Variants in EPHA3 observed in about 807,000 individuals in gnomAD.
The protein encoded by EPHA3 is ephrin type-A receptor 3.
Under a neutral mutation model 107.1 loss-of-function variants are expected in EPHA3, and 42 were observed. That is an observed-to-expected ratio of 0.39 (90% CI 0.31 to 0.51). The LOEUF is 0.51. Ranked by LOEUF, EPHA3 falls within the 20% of genes least tolerant of loss-of-function variation. The pLI is 0.78. For synonymous variants in EPHA3, 461 were observed against 424.8 expected (o/e 1.09, Z -1.05); for missense variants, 1,183 against 1,211.2 (o/e 0.98, Z 0.35).
At chr3:89,205,379 C>T (rs2107171050) in intron 2 of EPHA3, among the ~76,000 whole-genome samples, 1 of 152,208 alleles carries the variant, frequency 6.6e-6, no homozygotes, top group Admixed American at 6.5e-5. Context: ...GATTCAGTGA[C>T]AAGGAACTGT....
rs533667728 is a variant in EPHA3, at chr3:89,273,910, G to A, written c.814+63390G>A. 2.0e-5 allele frequency among the ~76,000 whole-genome samples: 3 copies of A among 151,938 alleles called. No individual in the cohort carries two copies. In the South Asian group the frequency reaches 6.2e-4, roughly 32 times the overall value. The stretch of plus-strand genomic sequence containing the variant: ...TGACATTTTACCACTGTGCTTTCGG[G>A]CCATTTTATACAGCAAAATCACTAA... On this transcript the variant is annotated intron_variant, in intron 3 of 16. Coordinates refer to ENST00000336596, the MANE Select transcript of EPHA3 (RefSeq NM_005233.6).
chr3:89,252,655 A>T (rs1559619646), intron 3 of EPHA3, among the ~76,000 whole-genome samples: 1 of 152,070 alleles, frequency 6.6e-6, no homozygotes, highest in East Asian at 1.9e-4. Context: ...TCTTGAGCCC[A>T]GGAAGTCAAA....
At chr3:89,236,702 G>A (rs2107235571) in intron 3 of EPHA3, among the ~76,000 whole-genome samples, 1 of 151,772 alleles carries the variant, frequency 6.6e-6, no homozygotes, top group African/African-American at 2.4e-5. Context: ...TGCGCATTGT[G>A]CACATGTACC....
At chr3:89,160,589 T>TGTGC (rs371399940) in intron 2 of EPHA3, among the ~76,000 whole-genome samples, 5 of 145,006 alleles carry the variant, frequency 3.4e-5, no homozygotes, top group East Asian at 2.1e-4. Flanking sequence ...TGTGTGTGTG[T>TGTGC]GCGCGCATTC....
chr3:89,468,430 A>G (rs778837742), intron 15 of EPHA3, among the ~76,000 whole-genome samples: 28 of 152,172 alleles, frequency 1.8e-4, no homozygotes, highest in Non-Finnish European at 3.8e-4. Context: ...ACTATTCTGA[A>G]CTGAGAAGAA....
At chr3:89,156,913 C>T (rs1033779702) in intron 2 of EPHA3, among the ~76,000 whole-genome samples, 2 of 151,534 alleles carry the variant, frequency 1.3e-5, no homozygotes, top group Admixed American at 1.3e-4. Flanking sequence ...TAACTAAGGG[C>T]AGCCAGATGG....
rs192533025 is a variant in EPHA3 at position 89,229,292 on chromosome 3, A to G, written c.814+18772A>G. 4.6e-5 allele frequency among the ~76,000 whole-genome samples: 7 copies of G among 152,054 alleles called. No homozygotes were observed. In the East Asian group the frequency reaches 1.4e-3, roughly 29 times the overall value. Reference sequence around the variant, plus strand: ...TCACTTTAGTGATAAATTACTCTGTAATTTAGCATATAACTCAAGTTTGAA... The same window carrying G: ...TCACTTTAGTGATAAATTACTCTGTGATTTAGCATATAACTCAAGTTTGAA... On this transcript the variant is annotated intron_variant, in intron 3 of 16. Transcript: ENST00000336596.
chr3:89,272,061 TA>T (rs1292331746), intron 3 of EPHA3, among the ~76,000 whole-genome samples: 1 of 151,906 alleles, frequency 6.6e-6, no homozygotes, highest in East Asian at 1.9e-4. Context: ...TTTATTGTAA[TA>T]ATATAGTATA....
chr3:89,287,650 G>C (rs1298491080), intron 3 of EPHA3, among the ~76,000 whole-genome samples: 2 of 151,994 alleles, frequency 1.3e-5, no homozygotes, highest in African/African-American at 4.8e-5. Flanking sequence ...AAATAAGGAA[G>C]AGTGAGCCAA....
rs1426910456 is a variant in EPHA3 at position 89,439,433 on chromosome 3, G to A, written c.2346+8074G>A. 7.9e-5 allele frequency among the ~76,000 whole-genome samples: 12 copies of A among 152,002 alleles called. No homozygotes were observed. In the East Asian group the frequency reaches 1.9e-3, roughly 24 times the overall value. ...TGATTATGCCATTGCACTTTAGGCT[G>A]GGGCAACAGAGTGAGATTTTATCTC... On this transcript the variant is annotated intron_variant, in intron 13 of 16. Coordinates refer to ENST00000336596, the MANE Select transcript of EPHA3 (RefSeq NM_005233.6).
intron 3 of EPHA3, among the ~76,000 whole-genome samples, chr3:89,271,267 A>T (rs1382128921): frequency 6.6e-6 from 1 of 152,100 alleles, no homozygotes; most frequent in East Asian, 1.9e-4. Context: ...AAAAGCCGAA[A>T]AAAAGAAAAC....
chr3:89,365,762 C>T (rs1414702976), intron 5 of EPHA3, among the ~76,000 whole-genome samples: 1 of 150,530 alleles, frequency 6.6e-6, no homozygotes, highest in African/African-American at 2.4e-5. Flanking sequence ...TATGACTGTC[C>T]TCATGTCCTT....
intron 2 of EPHA3, among the ~76,000 whole-genome samples, chr3:89,208,581 A>G (rs1223936444): frequency 7.8e-6 from 1 of 128,242 alleles, no homozygotes; most frequent in African/African-American, 2.6e-5. Flanking sequence ...AAAGAGAAAG[A>G]AAGAAAGAAA....
intron 2 of EPHA3, among the ~76,000 whole-genome samples, chr3:89,136,356 A>ATTTTTTTTTTTTT (rs1704315087): frequency 1.6e-4 from 1 of 6,144 alleles, no homozygotes. Context: ...TTTTTTTTTG[A>ATTTTTTTTTTTTT]CCCTTTCCTT....
intron 2 of EPHA3, among the ~76,000 whole-genome samples, chr3:89,156,878 TA>T (rs766562267): frequency 1.6e-4 from 24 of 147,514 alleles, no homozygotes; most frequent in South Asian, 4.4e-4. Flanking sequence ...CTACACATTT[TA>T]TTTTTTTTTT....
chr3:89,388,563 G>T (rs925785685), intron 5 of EPHA3, among the ~76,000 whole-genome samples: 24 of 152,284 alleles, frequency 1.6e-4, no homozygotes, highest in Middle Eastern at 6.8e-3. Context: ...GTTGCAGACA[G>T]GGAGTACAGC....
chr3:89,455,996 G>A (rs1576388138), intron 15 of EPHA3, among the ~76,000 whole-genome samples: 1 of 152,124 alleles, frequency 6.6e-6, no homozygotes, highest in East Asian at 1.9e-4. Flanking sequence ...TATTACCAGT[G>A]CAGATTGATA....
chr3:89,431,393 T>C, intron 13 of EPHA3, 34 bp downstream of exon 13: 1 of 1,568,290 alleles, frequency 6.4e-7, no homozygotes, highest in East Asian at 2.3e-5. Flanking sequence ...TTTTTATCAT[T>C]GTTTTCCATC....
chr3:89,473,802 T>C (rs1392525110), intron 16 of EPHA3, among the ~76,000 whole-genome samples: 1 of 152,120 alleles, frequency 6.6e-6, no homozygotes, highest in Non-Finnish European at 1.5e-5. Context: ...TGAACTTGGC[T>C]CTAGGGGCCT....
Sources: allele counts gnomAD v4.1 joint callset (sites outside exome capture counted in the v4.1 genomes callset), GRCh38; gene constraint gnomAD v4.1.1; transcripts MANE v1.5; gene names NCBI Gene and HGNC (gene_info 2026-07-23, HGNC 2026-07-21).